Variants in DCDC1 observed in about 807,000 individuals in gnomAD.
DCDC1 encodes doublecortin domain-containing protein 1.
In DCDC1, 200 loss-of-function variants were observed where a neutral mutation model predicts 178.3. The observed-to-expected ratio is 1.12, with a 90% CI of 1.00 to 1.26. The LOEUF (loss-of-function observed/expected upper bound fraction) is 1.26, where lower values mean the gene tolerates loss of function less well. Ranked by LOEUF, DCDC1 falls within the 50% of genes most tolerant of loss-of-function variation. DCDC1 has a pLI of 0.00. For missense variants in DCDC1, 1,983 were observed against 1,749.2 expected, an observed-to-expected ratio of 1.13 and a Z score of -2.38; for synonymous variants, 690 against 604.8, an observed-to-expected ratio of 1.14 and a Z score of -2.07.
rs780727960 is a variant in DCDC1, at chr11:30,931,732, A to G, written c.2897+39T>C. 3 of 1,560,596 alleles carry G rather than the reference A, an allele frequency of 1.9e-6. No homozygotes were observed. The South Asian group carries it at 3.6e-5, about 19-fold the overall frequency. On this transcript the variant is annotated intron_variant, in intron 22 of 38. Coordinates refer to ENST00000684477, the MANE Select transcript of DCDC1 (RefSeq NM_001387274.1). ...TAAGAACACAAAATCTGTACAAACTAGAAAGTGTATTTAATAAGTATGAAC... is the reference window on the plus strand; with the variant it reads ...TAAGAACACAAAATCTGTACAAACTGGAAAGTGTATTTAATAAGTATGAAC...
intron 20 of DCDC1, among the ~76,000 whole-genome samples, chr11:31,010,677 T>G (rs1434007912): frequency 6.6e-6 from 1 of 152,202 alleles, no homozygotes; most frequent in Non-Finnish European, 1.5e-5. Context: ...TTATGGTGTG[T>G]CTTTCACAAA....
chr11:31,273,122 C>A, intron 7 of DCDC1, among the ~76,000 whole-genome samples: 1 of 152,172 alleles, frequency 6.6e-6, no homozygotes, highest in East Asian at 1.9e-4. Context: ...GGGGGCATTG[C>A]TGTGAAGACT....
chr11:30,979,730 A>G (rs1950290222), intron 20 of DCDC1, among the ~76,000 whole-genome samples: 1 of 152,222 alleles, frequency 6.6e-6, no homozygotes, highest in African/African-American at 2.4e-5. Flanking sequence ...TTAGACATAA[A>G]GAGCCTTAAA....
At position 31,102,935 on chromosome 11, in the gene DCDC1, G is replaced by A. The variant is rs149616858; in HGVS notation, c.1878-653C>T. Among the ~76,000 whole-genome samples the A allele has an allele frequency of 3.9e-5, 6 of 152,284 alleles. No homozygotes were observed. In the East Asian group the frequency reaches 1.2e-3, roughly 29 times the overall value. ...CCTGGCTCTACCATGTACCAGCTGT[G>A]TGACTTTGGACAAATTACTTCTCTC... On this transcript the variant is annotated intron_variant, in intron 14 of 38. Transcript: ENST00000684477.
chr11:31,268,890 G>C (rs1056594708), intron 7 of DCDC1, among the ~76,000 whole-genome samples: 1 of 151,984 alleles, frequency 6.6e-6, no homozygotes, highest in Non-Finnish European at 1.5e-5. Context: ...TTGTCTTTTT[G>C]ACTTTTTCAT....
chr11:31,085,126 C>T (rs550758111), intron 17 of DCDC1, among the ~76,000 whole-genome samples: 2 of 151,500 alleles, frequency 1.3e-5, no homozygotes, highest in African/African-American at 4.8e-5. Context: ...ACCATTTAGT[C>T]ATTCCTTATC....
At chr11:31,350,993 A>T (rs899760873) in intron 1 of DCDC1, among the ~76,000 whole-genome samples, 14 of 152,076 alleles carry the variant, frequency 9.2e-5, no homozygotes, top group Non-Finnish European at 1.6e-4. Context: ...TTATATTTTC[A>T]GAAATTTATT....
In DCDC1 at chr11:31,341,009, T is replaced by G. The variant is rs967304116; in HGVS notation, c.-124-5445A>C. 1.3e-4 allele frequency among the ~76,000 whole-genome samples: 20 copies of G among 152,150 alleles called. No individual in the cohort carries two copies. In the South Asian group the frequency reaches 1.9e-3, roughly 14 times the overall value. On this transcript the variant is annotated intron_variant, in intron 1 of 38. Transcript: ENST00000684477. Reference sequence around the variant, plus strand: ...TCTGGCAAGCAGTTAAGGACACCACTGGTTGACTGATGAGTAAGAGATGTC... The same window carrying G: ...TCTGGCAAGCAGTTAAGGACACCACGGGTTGACTGATGAGTAAGAGATGTC...
At chr11:31,092,636 A>G (rs1373729626) in intron 16 of DCDC1, among the ~76,000 whole-genome samples, 1 of 152,188 alleles carries the variant, frequency 6.6e-6, no homozygotes, top group Non-Finnish European at 1.5e-5. Context: ...AGGCATTCCA[A>G]TTATTTTTGA....
rs761631360 is a variant in DCDC1 at position 31,064,482 on chromosome 11, C to T, written c.2578G>A (p.Ala860Thr). Residue 860 changes from alanine (A) to threonine (T), a missense_variant, in exon 20 of 39, where the codon GCT (alanine) becomes ACT (threonine). Ala to Thr is a moderately conservative substitution (Grantham distance 58, BLOSUM62 0). Coordinates refer to ENST00000684477, the MANE Select transcript of DCDC1 (RefSeq NM_001387274.1). ...TCAGTACCCTACCTCTGAGCAGAAG[C>T]CTTAGGATGTTTCTCTTCCAGTTTC... ...VRKLEEKHPK[A>T]SAQRWAIKHE... 2 of 765,514 alleles carry T rather than the reference C, an allele frequency of 2.6e-6. No homozygotes were observed. Among genetic ancestry groups the T allele is most frequent in the Non-Finnish European group, 4.8e-6 (2 of 417,316 alleles). The allele number at this position is 765,514 out of a possible 1,614,324, so 47.4% of individuals were successfully genotyped here.
At chr11:30,886,861 A>C (rs1943221842) in intron 36 of DCDC1, among the ~76,000 whole-genome samples, 1 of 152,080 alleles carries the variant, frequency 6.6e-6, no homozygotes, top group African/African-American at 2.4e-5. Context: ...AGAGAAATTT[A>C]TGTAGTTTGA....
At chr11:31,364,744 A>C (rs1951876335) in intron 1 of DCDC1, among the ~76,000 whole-genome samples, 1 of 152,116 alleles carries the variant, frequency 6.6e-6, no homozygotes. Flanking sequence ...GACAACCAAC[A>C]AAGGGAAAAA....
At chr11:31,108,874 T>C (rs1959022391) in intron 12 of DCDC1, among the ~76,000 whole-genome samples, 2 of 152,194 alleles carry the variant, frequency 1.3e-5, no homozygotes, top group Admixed American at 1.3e-4. Context: ...ACCAGGCCTT[T>C]ATAGCATAAG....
rs146129845 is a variant in DCDC1 at position 30,903,680 on chromosome 11, G to A, written c.4312C>T (p.Leu1438Phe). The A allele has an allele frequency of 1.8e-5, 29 of 1,595,974 alleles. No individual in the cohort carries two copies. The highest frequency in any genetic ancestry group is 2.3e-5 in the South Asian group (2 of 86,880). The change falls in exon 32 of 39, where the codon CTT becomes TTT. Residue 1438 changes from leucine to phenylalanine, a missense_variant. Leu to Phe is a conservative substitution (Grantham distance 22). Coordinates refer to ENST00000684477, the MANE Select transcript of DCDC1 (RefSeq NM_001387274.1). Reference protein sequence around the residue: ...LIVAGTFPMLLTECTEQLGLA... With the variant: ...LIVAGTFPMLFTECTEQLGLA... The stretch of plus-strand genomic sequence containing the variant: ...CCAAGTTGTTCCGTGCATTCTGTAA[G>A]AAGCTAGATAACACAGGCAGTAAGG...
At chr11:31,106,287 T>C (rs988785532) in intron 13 of DCDC1, among the ~76,000 whole-genome samples, 3 of 152,252 alleles carry the variant, frequency 2.0e-5, no homozygotes, top group African/African-American at 4.8e-5. Flanking sequence ...CTGTCATTGG[T>C]GCTTAAAAGG....
intron 9 of DCDC1, among the ~76,000 whole-genome samples, chr11:31,227,183 T>C (rs930215247): frequency 6.6e-6 from 1 of 152,078 alleles, no homozygotes; most frequent in African/African-American, 2.4e-5. Flanking sequence ...AGAGGTTGGA[T>C]AGTATATAAA....
chr11:30,927,651 G>A (rs1946669909), intron 22 of DCDC1, among the ~76,000 whole-genome samples: 1 of 152,120 alleles, frequency 6.6e-6, no homozygotes, highest in Non-Finnish European at 1.5e-5. Context: ...TTTACAGAAA[G>A]TAGAAGGTAC....
chr11:31,350,820 A>G (rs1240226044), intron 1 of DCDC1, among the ~76,000 whole-genome samples: 1 of 152,116 alleles, frequency 6.6e-6, no homozygotes, highest in Non-Finnish European at 1.5e-5. Flanking sequence ...TCAGAAAATG[A>G]TTTAAATAAT....
At chr11:30,893,114 T>G in intron 35 of DCDC1, 117 bp from the exon 36 acceptor site, 1 of 1,198,334 alleles carries the variant, frequency 8.3e-7, no homozygotes, top group Non-Finnish European at 1.1e-6. Context: ...GAAAAAATTT[T>G]AGGAAGTAAC....
Sources: allele counts gnomAD v4.1 joint callset (sites outside exome capture counted in the v4.1 genomes callset), GRCh38; gene constraint gnomAD v4.1.1; transcripts MANE v1.5; gene names NCBI Gene and HGNC (gene_info 2026-07-23, HGNC 2026-07-21).